The following ARHGAP24 variants were observed in gnomAD, a reference collection of about 807,000 sequenced individuals.
ARHGAP24 encodes Rho GTPase activating protein 24, also known as rho GTPase-activating protein 24.
In ARHGAP24, 50 loss-of-function variants were observed where a neutral mutation model predicts 76.4. The observed-to-expected ratio is 0.65, with a 90% confidence interval of 0.52 to 0.83. The LOEUF is 0.83. ARHGAP24 is among the 40% of genes least tolerant of loss of function. ARHGAP24 has a pLI of 0.00. For missense variants in ARHGAP24, 930 were observed against 914.2 expected, an observed-to-expected ratio of 1.02 and a Z score of -0.22; for synonymous variants, 345 against 323.3, an observed-to-expected ratio of 1.07 and a Z score of -0.72.
intron 5 of ARHGAP24, among the ~76,000 whole-genome samples, chr4:85,954,391 T>C (rs1371645515): frequency 6.6e-6 from 1 of 152,210 alleles, no homozygotes; most frequent in Non-Finnish European, 1.5e-5. Flanking sequence ...GTTTGTTTGT[T>C]TCTTTACTGC....
At chr4:85,882,454 A>C (rs1425784114) in intron 3 of ARHGAP24, among the ~76,000 whole-genome samples, 1 of 152,140 alleles carries the variant, frequency 6.6e-6, no homozygotes, top group Non-Finnish European at 1.5e-5. Flanking sequence ...AGATGATATC[A>C]TTAGAAATTA....
At chr4:85,683,950 A>G (rs1223803000) in intron 2 of ARHGAP24, among the ~76,000 whole-genome samples, 2 of 152,092 alleles carry the variant, frequency 1.3e-5, no homozygotes. Context: ...AGGCTGAATG[A>G]TATTCCATTG....
At chr4:85,515,163 A>G (rs1338076092) in intron 1 of ARHGAP24, among the ~76,000 whole-genome samples, 3 of 152,196 alleles carry the variant, frequency 2.0e-5, no homozygotes, top group Non-Finnish European at 2.9e-5. Flanking sequence ...GTCACCCTGC[A>G]TGCATGGGCA....
At chr4:85,546,119 T>G (rs1451563602) in intron 1 of ARHGAP24, among the ~76,000 whole-genome samples, 1 of 152,198 alleles carries the variant, frequency 6.6e-6, no homozygotes, top group Admixed American at 6.5e-5. Context: ...AGGGTTATTA[T>G]GATAGTTAAA....
At chr4:85,824,467 A>G (rs1400152394) in intron 3 of ARHGAP24, among the ~76,000 whole-genome samples, 1 of 152,232 alleles carries the variant, frequency 6.6e-6, no homozygotes, top group Non-Finnish European at 1.5e-5. Context: ...CTTCATGAGT[A>G]TCTGTGTGAA....
chr4:85,600,630 G>A (rs369380534), intron 2 of ARHGAP24, among the ~76,000 whole-genome samples: 35 of 152,286 alleles, frequency 2.3e-4, no homozygotes, highest in African/African-American at 7.7e-4. Context: ...AAATATTTTA[G>A]ATCACACATG....
chr4:85,637,207 G>C lies in ARHGAP24; in HGVS notation c.180+66486G>C, dbSNP rs370626245. Among the ~76,000 whole-genome samples the C allele has an allele frequency of 1.4e-4, 21 of 152,140 alleles. No homozygotes were observed. The East Asian group carries it at 1.7e-3, about 13-fold the overall frequency. ...AAGGTGTCTGAAACTGGGATAGGTT[G>C]CCCTGGATCATCTCCCTGGGTAGCG... On this transcript the variant is annotated intron_variant, in intron 2 of 9. Coordinates refer to ENST00000395184, the MANE Select transcript of ARHGAP24 (RefSeq NM_001025616.3).
At chr4:85,978,356 A>G (rs886165627) in intron 8 of ARHGAP24, among the ~76,000 whole-genome samples, 4 of 152,208 alleles carry the variant, frequency 2.6e-5, no homozygotes, top group African/African-American at 9.6e-5. Flanking sequence ...AGTCTAGAAC[A>G]AAATGTCCCC....
chr4:85,715,919 GA>G (rs1479280869), intron 2 of ARHGAP24, among the ~76,000 whole-genome samples: 1 of 151,812 alleles, frequency 6.6e-6, no homozygotes, highest in African/African-American at 2.4e-5. Context: ...TTGCTGTAAA[GA>G]AAAAAATTGA....
At chr4:85,612,384 C>T (rs1336938879) in intron 2 of ARHGAP24, among the ~76,000 whole-genome samples, 3 of 152,014 alleles carry the variant, frequency 2.0e-5, no homozygotes, top group South Asian at 4.1e-4. Flanking sequence ...GTGCACTCCA[C>T]TCGGCGTGGA....
chr4:85,869,463 A>G (rs775182240), intron 3 of ARHGAP24, among the ~76,000 whole-genome samples: 2 of 152,136 alleles, frequency 1.3e-5, no homozygotes, highest in East Asian at 3.9e-4. Context: ...TGATGCTTCC[A>G]GCATTTGACT....
chr4:85,715,371 A>G (rs897822468), intron 2 of ARHGAP24, among the ~76,000 whole-genome samples: 1 of 152,128 alleles, frequency 6.6e-6, no homozygotes, highest in Non-Finnish European at 1.5e-5. Flanking sequence ...ATATGGGCCC[A>G]AAATAGCTTA....
At chr4:85,598,530 C>T (rs932202710) in intron 2 of ARHGAP24, among the ~76,000 whole-genome samples, 1 of 151,914 alleles carries the variant, frequency 6.6e-6, no homozygotes, top group Non-Finnish European at 1.5e-5. Flanking sequence ...AGTAGCTGAT[C>T]ATTGTGTGAT....
chr4:85,637,945 C>T (rs1721385824), intron 2 of ARHGAP24, among the ~76,000 whole-genome samples: 1 of 152,090 alleles, frequency 6.6e-6, no homozygotes, highest in Non-Finnish European at 1.5e-5. Context: ...AGGCTTTATT[C>T]AGAATCTACA....
At chr4:85,887,822 A>T (rs1415281701) in intron 3 of ARHGAP24, among the ~76,000 whole-genome samples, 1 of 152,192 alleles carries the variant, frequency 6.6e-6, no homozygotes, top group Non-Finnish European at 1.5e-5. Flanking sequence ...CATAGGTAAG[A>T]TACCTTTATC....
intron 1 of ARHGAP24, among the ~76,000 whole-genome samples, chr4:85,547,499 G>A (rs1044740219): frequency 1.3e-5 from 2 of 151,816 alleles, no homozygotes; most frequent in South Asian, 2.1e-4. Flanking sequence ...GTAGTGGTGC[G>A]ATCACAGGTC....
chr4:85,604,682 G>A (rs1720134049), intron 2 of ARHGAP24, among the ~76,000 whole-genome samples: 1 of 152,212 alleles, frequency 6.6e-6, no homozygotes, highest in Non-Finnish European at 1.5e-5. Flanking sequence ...CACCTCCTGG[G>A]TTCAAGCTAT....
At chr4:85,792,044 G>A (rs1374150714) in intron 3 of ARHGAP24, among the ~76,000 whole-genome samples, 1 of 152,110 alleles carries the variant, frequency 6.6e-6, no homozygotes, top group Non-Finnish European at 1.5e-5. Context: ...ATGTATAGTA[G>A]AGAGCAGAAA....
At chr4:85,537,957 C>A (rs1260484193) in intron 1 of ARHGAP24, among the ~76,000 whole-genome samples, 4 of 151,946 alleles carry the variant, frequency 2.6e-5, no homozygotes, top group Non-Finnish European at 4.4e-5. Flanking sequence ...GATATGTATA[C>A]CAAGGCTGAA....
Sources: gnomAD v4.1 joint callset for allele counts (sites outside exome capture counted in the v4.1 genomes callset) on GRCh38, gnomAD v4.1.1 for gene constraint, MANE v1.5 for transcripts, NCBI Gene and HGNC (gene_info 2026-07-23, HGNC 2026-07-21) for gene names.